The following PLCB1 variants were observed in gnomAD, a reference collection of about 807,000 sequenced individuals.
PLCB1 encodes phospholipase C beta 1, also known as 1-phosphatidylinositol 4,5-bisphosphate phosphodiesterase beta-1.
In PLCB1, 46 loss-of-function variants were observed where a neutral mutation model predicts 161.8. The ratio of observed to expected loss-of-function variants is 0.28; its 90% CI spans 0.22 to 0.36. The LOEUF is 0.36. Among genes scored for constraint, PLCB1 ranks in the 10% least tolerant of loss-of-function variants. The pLI is 1.00. For synonymous variants in PLCB1, 517 were observed against 503.7 expected, an observed-to-expected ratio of 1.03 and a Z score of -0.35; for missense variants, 1,016 against 1,472.5, an observed-to-expected ratio of 0.69 and a Z score of 5.07.
At chr20:8,476,473 T>C (rs758873258) in intron 3 of PLCB1, among the ~76,000 whole-genome samples, 1 of 152,234 alleles carries the variant, frequency 6.6e-6, no homozygotes, top group Non-Finnish European at 1.5e-5. Context: ...ATTCTACTCA[T>C]ATTATTCATT....
intron 2 of PLCB1, among the ~76,000 whole-genome samples, chr20:8,304,515 A>G (rs1423098419): frequency 1.3e-5 from 2 of 151,642 alleles, no homozygotes; most frequent in Admixed American, 6.6e-5. Flanking sequence ...CAATGAATCA[A>G]AAACCTTCTT....
chr20:8,550,060 A>G (rs1985716135), intron 3 of PLCB1, among the ~76,000 whole-genome samples: 1 of 151,900 alleles, frequency 6.6e-6, no homozygotes, highest in African/African-American at 2.4e-5. Flanking sequence ...AGGTATATTT[A>G]CCCCATGCCT....
intron 31 of PLCB1, among the ~76,000 whole-genome samples, chr20:8,873,065 C>T (rs924630034): frequency 6.6e-6 from 1 of 152,144 alleles, no homozygotes; most frequent in African/African-American, 2.4e-5. Flanking sequence ...TTCAGTCAGC[C>T]ATATTGACTC....
In PLCB1 at chr20:8,160,351, A is replaced by G. The variant is rs186437778; in HGVS notation, c.177+9980A>G. Among the ~76,000 whole-genome samples, 213 of 152,278 alleles carry G rather than the reference A, an allele frequency of 1.4e-3. 1 individual carries two copies. Among genetic ancestry groups the G allele is most frequent in the Admixed American group, 3.5e-3 (54 of 15,292 alleles). ...CAAAGTTGCTTCCCCATTTTTGGGT[A>G]TCTTTTCAGCAACACCACACTACTG... On this transcript the variant is annotated intron_variant, in intron 2 of 31. Transcript: ENST00000338037.
At chr20:8,731,659 T>C (rs1411141366) in intron 18 of PLCB1, among the ~76,000 whole-genome samples, 1 of 152,020 alleles carries the variant, frequency 6.6e-6, no homozygotes, top group Non-Finnish European at 1.5e-5. Flanking sequence ...GACATAAATG[T>C]GATAAGTTAT....
At chr20:8,641,048 A>T (rs1236588652) in intron 4 of PLCB1, among the ~76,000 whole-genome samples, 1 of 152,228 alleles carries the variant, frequency 6.6e-6, no homozygotes, top group Non-Finnish European at 1.5e-5. Context: ...ACCTGAAAAA[A>T]AGATACTTGA....
intron 2 of PLCB1, among the ~76,000 whole-genome samples, chr20:8,254,407 A>C (rs545105379): frequency 6.6e-6 from 1 of 152,158 alleles, no homozygotes; most frequent in East Asian, 1.9e-4. Flanking sequence ...AGAAGTATCC[A>C]AACTAGGATT....
chr20:8,245,039 A>G (rs778904333), intron 2 of PLCB1, among the ~76,000 whole-genome samples: 1 of 151,864 alleles, frequency 6.6e-6, no homozygotes, highest in Non-Finnish European at 1.5e-5. Context: ...CCAATTAGAT[A>G]CATTGAAGAA....
intron 3 of PLCB1, among the ~76,000 whole-genome samples, chr20:8,538,075 T>C (rs6118238): frequency 0.017 from 2,579 of 152,266 alleles, 72 homozygotes; most frequent in African/African-American, 0.057. Flanking sequence ...AAAATTCTTA[T>C]TCTGTTTCCA....
intron 31 of PLCB1, among the ~76,000 whole-genome samples, chr20:8,810,257 C>A (rs1984747223): frequency 1.3e-5 from 2 of 152,162 alleles, no homozygotes; most frequent in Admixed American, 1.3e-4. Context: ...ATTCAAGGCT[C>A]CGGAAGTTAA....
rs2123285821 is a variant in PLCB1, at chr20:8,646,130, C to T, written c.413C>T (p.Ala138Val). 6.2e-7 allele frequency: 1 copy of T among 1,613,396 alleles called. No individual in the cohort carries two copies. Among genetic ancestry groups the T allele is most frequent in the Non-Finnish European group, 8.5e-7 (1 of 1,179,336 alleles). Residue 138 changes from alanine (A) to valine (V), a missense_variant, in exon 5 of 32, where the codon GCA (alanine) becomes GTA (valine). Physicochemically the swap from Ala to Val is moderately conservative, Grantham distance 64. This residue lies in a region of PLCB1 where 181 missense variants were observed against 236.7 expected (regional missense o/e 0.76). Coordinates refer to ENST00000338037, the MANE Select transcript of PLCB1 (RefSeq NM_015192.4). ...TGGACAAATGAGGTTTTCAGTTTGG[C>T]AACAAACCTGCTGGCCCAAAACATG... ...KEWTNEVFSLATNLLAQNMSR... is the reference protein window; with the variant it reads ...KEWTNEVFSLVTNLLAQNMSR...
At chr20:8,629,813 TTTC>T (rs1988475599) in intron 4 of PLCB1, among the ~76,000 whole-genome samples, 1 of 72,824 alleles carries the variant, frequency 1.4e-5, no homozygotes, top group Non-Finnish European at 3.1e-5. Context: ...CTTTCTTTTC[TTTC>T]TTTTCTTTCT....
chr20:8,681,134 C>T (rs1990211150), intron 9 of PLCB1, among the ~76,000 whole-genome samples: 1 of 84,682 alleles, frequency 1.2e-5, no homozygotes, highest in East Asian at 3.3e-4. Context: ...TATATAAAAT[C>T]AGTGTCTCAT....
intron 1 of PLCB1, 40 bp from the exon 2 acceptor site, chr20:8,150,254 T>G: frequency 1.2e-6 from 1 of 840,182 alleles, no homozygotes. Flanking sequence ...TTTTCTACAG[T>G]GATATATGTT....
chr20:8,402,678 CA>C (rs34206983), intron 3 of PLCB1, among the ~76,000 whole-genome samples: 30,860 of 111,576 alleles, frequency 0.28, 3,520 homozygotes, highest in Middle Eastern at 0.34. Flanking sequence ...ACTAAAAATA[CA>C]AAAAAAAAAA....
chr20:8,220,317 G>A (rs901002107), intron 2 of PLCB1, among the ~76,000 whole-genome samples: 1 of 152,182 alleles, frequency 6.6e-6, no homozygotes, highest in Non-Finnish European at 1.5e-5. Flanking sequence ...AACAGAATCA[G>A]ATTAGGGCTT....
intron 2 of PLCB1, among the ~76,000 whole-genome samples, chr20:8,304,410 G>C (rs1186929899): frequency 6.6e-6 from 1 of 151,902 alleles, no homozygotes; most frequent in Non-Finnish European, 1.5e-5. Context: ...TCTCTGAGCA[G>C]CTCAGCCAGT....
chr20:8,224,468 T>C (rs149557513), intron 2 of PLCB1, among the ~76,000 whole-genome samples: 29 of 152,246 alleles, frequency 1.9e-4, no homozygotes, highest in African/African-American at 6.0e-4. Flanking sequence ...GTTGAGGCAA[T>C]TGAGACTACA....
chr20:8,752,669 T>G (rs911389186), intron 23 of PLCB1, among the ~76,000 whole-genome samples: 5 of 151,858 alleles, frequency 3.3e-5, no homozygotes, highest in Admixed American at 3.3e-4. Flanking sequence ...GGTGCATGCC[T>G]GTAATTCCAG....
Sources: gnomAD v4.1 joint callset for allele counts (sites outside exome capture counted in the v4.1 genomes callset) on GRCh38, gnomAD v4.1.1 for gene constraint, gnomAD v4.1.1 regional missense constraint, MANE v1.5 for transcripts, NCBI Gene and HGNC (gene_info 2026-07-23, HGNC 2026-07-21) for gene names.